TBC1D16: variants seen among roughly 807,000 people sequenced by gnomAD.
The protein encoded by TBC1D16 is CTD-2529O21.1.
A neutral mutation model predicts 74.7 loss-of-function variants in TBC1D16; 58 were observed. That is an observed-to-expected ratio of 0.78 (90% CI 0.63 to 0.97). The LOEUF (loss-of-function observed/expected upper bound fraction) is 0.97. Among genes scored for constraint, TBC1D16 ranks in the 50% least tolerant of loss-of-function variants. The probability of loss-of-function intolerance (pLI) is 0.00; values close to 1 mark genes in which losing one functional copy is unlikely to be tolerated. For missense variants in TBC1D16, 1,014 were observed against 1,079.5 expected (o/e 0.94, Z 0.85); for synonymous variants, 493 against 474.7 (o/e 1.04, Z -0.50).
At chr17:80,024,440 GACAC>G (rs1266347899) in intron 1 of TBC1D16, among the ~76,000 whole-genome samples, 1 of 6,070 alleles carries the variant, frequency 1.6e-4, no homozygotes, top group East Asian at 2.8e-3. Flanking sequence ...ACACATCATA[GACAC>G]ACACACCACA....
At chr17:79,963,735 G>A (rs549328365) in intron 3 of TBC1D16, among the ~76,000 whole-genome samples, 18 of 152,238 alleles carry the variant, frequency 1.2e-4, no homozygotes, top group South Asian at 6.2e-4. Context: ...CATCCTCACC[G>A]ACACTTGTTA....
intron 1 of TBC1D16, among the ~76,000 whole-genome samples, chr17:80,026,808 C>T (rs764709710): frequency 6.7e-6 from 1 of 149,768 alleles, no homozygotes; most frequent in East Asian, 1.9e-4. Context: ...GAAAACCATT[C>T]GTCCTGGGAG....
chr17:79,978,912 C>T (rs1455142485), intron 3 of TBC1D16, among the ~76,000 whole-genome samples: 1 of 152,246 alleles, frequency 6.6e-6, no homozygotes, highest in African/African-American at 2.4e-5. Context: ...TGCTCCTGAA[C>T]CAGGCTTTTG....
Position 80,013,351 on chromosome 17 carries a change from G to T in TBC1D16, c.181+16C>A. The stretch of plus-strand genomic sequence containing the variant: ...CTGGGCTGTGCGACCCTGGAGCCTC[G>T]CCTGCCCTGGCTCACCTGGGTGGTG... On this transcript the variant is annotated intron_variant, in intron 2 of 11. Coordinates refer to ENST00000310924, the MANE Select transcript of TBC1D16 (RefSeq NM_019020.4). 6.3e-7 allele frequency: 1 copy of T among 1,589,576 alleles called. No individual in the cohort carries two copies.
intron 3 of TBC1D16, among the ~76,000 whole-genome samples, chr17:80,006,799 T>C (rs1243369531): frequency 2.0e-5 from 3 of 151,938 alleles, no homozygotes; most frequent in Non-Finnish European, 2.9e-5. Context: ...GCTGGGACCA[T>C]AGGCATGCAC....
In TBC1D16 at chr17:79,973,897, G is replaced by A. The variant is rs145825064; in HGVS notation, c.780-21079C>T. 4.0e-3 allele frequency among the ~76,000 whole-genome samples: 604 copies of A among 152,202 alleles called. 5 individuals are homozygous for A. Among genetic ancestry groups the A allele is most frequent in the African/African-American group, 0.014 (567 of 41,542 alleles). ...AAACCCTCCCCCAAAACAATATACTGTAATAAAAGTTCATTCTTACCAGAG... is the reference window on the plus strand; with the variant it reads ...AAACCCTCCCCCAAAACAATATACTATAATAAAAGTTCATTCTTACCAGAG... On this transcript the variant is annotated intron_variant, in intron 3 of 11. Coordinates refer to ENST00000310924, the MANE Select transcript of TBC1D16 (RefSeq NM_019020.4).
At chr17:80,002,594 T>G (rs926479816) in intron 3 of TBC1D16, among the ~76,000 whole-genome samples, 1 of 151,938 alleles carries the variant, frequency 6.6e-6, no homozygotes, top group Non-Finnish European at 1.5e-5. Context: ...GGACAGAGAG[T>G]TTTTCGGGCC....
chr17:80,030,296 C>T (rs151182265), intron 1 of TBC1D16, among the ~76,000 whole-genome samples: 6 of 152,274 alleles, frequency 3.9e-5, no homozygotes, highest in African/African-American at 7.2e-5. Context: ...GAACCCCCCA[C>T]GCAGAGTGAC....
Position 79,932,679 on chromosome 17 carries a change from T to A in TBC1D16, c.*8180A>T, listed in dbSNP as rs1168875080. On this transcript the variant is annotated 3_prime_UTR_variant, in exon 12 of 12. Transcript: ENST00000310924. The stretch of plus-strand genomic sequence containing the variant: ...GAATCAACGAACTTTGGACAGACAA[T>A]CAGTAGACTTTGGGTGTGGCCTTGG... 4 of 152,188 alleles carry A rather than the reference T, an allele frequency of 2.6e-5. No homozygotes were observed. Among genetic ancestry groups the A allele is most frequent in the African/African-American group, 9.7e-5 (4 of 41,440 alleles). The allele number at this position is 152,188 out of a possible 1,614,324, so 9.4% of individuals were successfully genotyped here.
At chr17:80,023,647 C>A (rs938880039) in intron 1 of TBC1D16, among the ~76,000 whole-genome samples, 6 of 140,134 alleles carry the variant, frequency 4.3e-5, no homozygotes, top group Admixed American at 6.9e-5. Context: ...GGAGCGAGAA[C>A]TGCTGCCGGG....
At chr17:79,984,148 A>T (rs1568611196) in intron 3 of TBC1D16, among the ~76,000 whole-genome samples, 1 of 152,176 alleles carries the variant, frequency 6.6e-6, no homozygotes, top group Non-Finnish European at 1.5e-5. Context: ...CAGCCTCCCA[A>T]GTAGCTGGGA....
intron 3 of TBC1D16, among the ~76,000 whole-genome samples, chr17:79,992,544 A>C (rs1269871461): frequency 4.6e-5 from 7 of 152,216 alleles, no homozygotes; most frequent in African/African-American, 1.7e-4. Flanking sequence ...TTACAGAAGC[A>C]AGACAGATCC....
At chr17:80,011,476 G>A in intron 2 of TBC1D16, among the ~76,000 whole-genome samples, 1 of 152,152 alleles carries the variant, frequency 6.6e-6, no homozygotes, top group East Asian at 1.9e-4. Flanking sequence ...CCAGCTTCAT[G>A]GCTTTACAGC....
In TBC1D16 at chr17:80,035,354, AGC is replaced by A. The variant is rs1168520217; in HGVS notation, c.-63+439_-63+440del. 6.6e-6 allele frequency among the ~76,000 whole-genome samples: 1 copy of A among 151,642 alleles called. No homozygotes were observed. The highest frequency in any genetic ancestry group is 2.4e-5 in the African/African-American group (1 of 41,190). On this transcript the variant is annotated intron_variant, in intron 1 of 11. Coordinates refer to ENST00000310924, the MANE Select transcript of TBC1D16 (RefSeq NM_019020.4). This position sits in a 1 kb window ranked among gnomAD's most constrained non-coding sequence, Gnocchi z 5.3. ...CAAGCCCGACAGGCCGGGAAAGCTG[AGC>A]GCGCGCTGCTGGGGGGACGCACACT... is the stretch of plus-strand genomic sequence containing the variant.
intron 9 of TBC1D16, among the ~76,000 whole-genome samples, chr17:79,946,700 A>G (rs2032571755): frequency 6.6e-6 from 1 of 152,186 alleles, no homozygotes; most frequent in Non-Finnish European, 1.5e-5. Context: ...AAGGCCCTCC[A>G]TCAGCTCCAC....
At position 79,941,941 on chromosome 17, in the gene TBC1D16, G is replaced by A. The variant is rs2032042689; in HGVS notation, c.2055+119C>T. 6.4e-6 allele frequency: 6 copies of A among 932,908 alleles called. No homozygotes were observed. Among genetic ancestry groups the A allele is most frequent in the Non-Finnish European group, 9.7e-6 (6 of 619,566 alleles). 57.8% of individuals were successfully genotyped at this position (932,908 alleles called of 1,614,324 possible). A position where few individuals can be genotyped will look rare whatever the true frequency, so the allele number is the denominator to read the frequency against. On this transcript the variant is annotated intron_variant, in intron 11 of 11. Transcript: ENST00000310924. This position sits in a 1 kb window ranked among gnomAD's most constrained non-coding sequence, Gnocchi z 4.3. ...GGCACGTGCTGGGGGGCCATGGTGGGGATGGGGCTCTGGGGGCGGGGCCCA... is the reference window on the plus strand; with the variant it reads ...GGCACGTGCTGGGGGGCCATGGTGGAGATGGGGCTCTGGGGGCGGGGCCCA...
intron 2 of TBC1D16, among the ~76,000 whole-genome samples, chr17:80,011,917 T>C (rs1050178420): frequency 1.2e-4 from 19 of 152,056 alleles, no homozygotes; most frequent in Non-Finnish European, 2.1e-4. Context: ...ATGCAGATTG[T>C]TTGAGGAAGG....
At chr17:80,011,709 C>G (rs759040517) in intron 2 of TBC1D16, among the ~76,000 whole-genome samples, 6 of 152,024 alleles carry the variant, frequency 3.9e-5, no homozygotes, top group Admixed American at 6.6e-5. Flanking sequence ...GCCTGTAGTC[C>G]CAGCTACTTG....
chr17:80,034,268 T>C (rs2036874011), intron 1 of TBC1D16, among the ~76,000 whole-genome samples: 1 of 147,294 alleles, frequency 6.8e-6, no homozygotes, highest in African/African-American at 2.5e-5. Flanking sequence ...GTTGCACATC[T>C]TGGCTCACTG....
Sources: gnomAD v4.1 joint callset for allele counts (sites outside exome capture counted in the v4.1 genomes callset) on GRCh38, gnomAD v4.1.1 for gene constraint, Gnocchi (gnomAD v3.1) non-coding constraint, MANE v1.5 for transcripts, NCBI Gene and HGNC (gene_info 2026-07-23, HGNC 2026-07-21) for gene names.